The following DOCK9 variants were observed in gnomAD, a reference collection of about 807,000 sequenced individuals.
DOCK9 encodes the protein dedicator of cytokinesis 9, also known as dedicator of cytokinesis protein 9.
DOCK9 carries 89 observed loss-of-function variants against 263.3 expected under a neutral mutation model. That is an observed-to-expected ratio of 0.34 (90% CI 0.28 to 0.40). The LOEUF (loss-of-function observed/expected upper bound fraction) is 0.40, where lower values mean the gene tolerates loss of function less well. DOCK9 is among the 10% of genes least tolerant of loss of function. DOCK9 has a pLI of 1.00. For missense variants in DOCK9, 2,140 were observed against 2,603.4 expected (o/e 0.82, Z 3.87); for synonymous variants, 976 against 973.1 (o/e 1.00, Z -0.06).
At chr13:98,801,899 G>A (rs892402107) in intron 49 of DOCK9, among the ~76,000 whole-genome samples, 1 of 152,216 alleles carries the variant, frequency 6.6e-6, no homozygotes, top group Non-Finnish European at 1.5e-5. Flanking sequence ...CATATGTCAC[G>A]TACTTATAGG....
chr13:98,854,893 G>A (rs1199882523), intron 34 of DOCK9, among the ~76,000 whole-genome samples: 3 of 152,192 alleles, frequency 2.0e-5, no homozygotes, highest in South Asian at 2.1e-4. Context: ...ACCTGATGCT[G>A]AGGAAGGATG....
At chr13:99,002,433 G>A (rs539162225) in intron 1 of DOCK9, among the ~76,000 whole-genome samples, 1 of 152,204 alleles carries the variant, frequency 6.6e-6, no homozygotes, top group Non-Finnish European at 1.5e-5. Context: ...ACTCCCTTCA[G>A]GGGCAACGTC....
intron 1 of DOCK9, among the ~76,000 whole-genome samples, chr13:99,051,855 CAAAAA>C (rs11392986): frequency 2.1e-3 from 227 of 106,058 alleles, no homozygotes; most frequent in African/African-American, 6.9e-3. Context: ...CCACTAGTGG[CAAAAA>C]AAAAAAAAAA....
chr13:99,015,747 T>A, intron 1 of DOCK9: 1 of 1,343,078 alleles, frequency 7.4e-7, no homozygotes, highest in East Asian at 2.7e-5. Context: ...AGGGAAGCTC[T>A]GAGCTGCCGT....
chr13:98,919,558 G>A (rs1339430577), intron 7 of DOCK9, among the ~76,000 whole-genome samples: 1 of 152,252 alleles, frequency 6.6e-6, no homozygotes, highest in African/African-American at 2.4e-5. Context: ...ACAGGCTGAT[G>A]TGATCAGCCA....
chr13:99,023,729 C>T (rs1886394127), intron 1 of DOCK9, among the ~76,000 whole-genome samples: 1 of 152,138 alleles, frequency 6.6e-6, no homozygotes, highest in Non-Finnish European at 1.5e-5. Context: ...AGGTGTAAGA[C>T]CAGAAAAACG....
Position 98,800,201 on chromosome 13 carries a change from G to GT in DOCK9, c.5916+86dup, listed in dbSNP as rs1198955814. On this transcript the variant is annotated intron_variant, in intron 50 of 52. Coordinates refer to ENST00000682017, the MANE Select transcript of DOCK9 (RefSeq NM_001366683.2). ...TCACTTGGTAAACCGAGGCTCTCAAGTAGACCTTGTTAGTGGAAACGACTC... is the reference window on the plus strand; with the variant it reads ...TCACTTGGTAAACCGAGGCTCTCAAGTTAGACCTTGTTAGTGGAAACGACTC... The GT allele has an allele frequency of 2.9e-6, 4 of 1,383,820 alleles. No homozygotes were observed. In the East Asian group the frequency reaches 1.0e-4, roughly 35 times the overall value. The allele number at this position is 1,383,820 out of a possible 1,614,324, so 85.7% of individuals were successfully genotyped here. A position where few individuals can be genotyped will look rare whatever the true frequency, so the allele number is the denominator to read the frequency against.
intron 2 of DOCK9, among the ~76,000 whole-genome samples, chr13:98,936,730 C>T (rs1301113791): frequency 6.6e-6 from 1 of 151,962 alleles, no homozygotes; most frequent in African/African-American, 2.4e-5. Context: ...GTTTTTTCTC[C>T]CTATTATTAC....
chr13:98,977,860 A>AGTTCCTTTTTGACACTTCTCT lies in DOCK9; in HGVS notation c.49_50insAGAGAAGTGTCAAAAAGGAAC (p.Glu16_Leu17insGlnArgSerValLysLysGlu). ...GTATTGCAGGGGGGACTCAATCACC[A>AGTTCCTTTTTGACACTTCTCT]GTTCCTTTTTGACACTTCTACTACT... is the stretch of plus-strand genomic sequence containing the variant. On this transcript the variant is annotated inframe_insertion, in exon 1 of 53. Transcript: ENST00000682017. 6.2e-7 allele frequency: 1 copy of AGTTCCTTTTTGACACTTCTCT among 1,605,432 alleles called. No individual in the cohort carries two copies.
intron 1 of DOCK9, among the ~76,000 whole-genome samples, chr13:99,070,504 C>T (rs112776385): frequency 1.1e-4 from 16 of 152,336 alleles, no homozygotes; most frequent in Non-Finnish European, 1.8e-4. Flanking sequence ...TCTCCGCAAG[C>T]AGCACTTTAA....
At chr13:99,022,457 G>C (rs908614398) in intron 1 of DOCK9, among the ~76,000 whole-genome samples, 2 of 152,220 alleles carry the variant, frequency 1.3e-5, no homozygotes, top group Admixed American at 6.5e-5. Context: ...GTGGCAAACA[G>C]TTCCTGTGGG....
chr13:98,996,602 T>A (rs1881095351), intron 1 of DOCK9, among the ~76,000 whole-genome samples: 1 of 152,236 alleles, frequency 6.6e-6, no homozygotes, highest in Non-Finnish European at 1.5e-5. Flanking sequence ...CCCAGGGCCA[T>A]ATGTGGCCCA....
At chr13:98,850,946 C>A (rs2093552049) in intron 35 of DOCK9, among the ~76,000 whole-genome samples, 1 of 152,140 alleles carries the variant, frequency 6.6e-6, no homozygotes, top group Non-Finnish European at 1.5e-5. Flanking sequence ...AAGCCAGAGT[C>A]TTTGGGGCCT....
At chr13:98,936,607 G>A (rs2054871101) in intron 2 of DOCK9, among the ~76,000 whole-genome samples, 1 of 143,204 alleles carries the variant, frequency 7.0e-6, no homozygotes, top group South Asian at 2.3e-4. Context: ...GTGATGGAGT[G>A]AGACACTGTC....
intron 4 of DOCK9, among the ~76,000 whole-genome samples, chr13:98,925,357 A>G (rs1196425715): frequency 1.4e-5 from 2 of 143,672 alleles, no homozygotes; most frequent in African/African-American, 5.1e-5. Context: ...ATAGTCTAGA[A>G]TAAGTTAATA....
chr13:98,815,751 G>A (rs1040134898), intron 45 of DOCK9, among the ~76,000 whole-genome samples: 1 of 152,110 alleles, frequency 6.6e-6, no homozygotes, highest in Non-Finnish European at 1.5e-5. Context: ...AAAGTGCTGG[G>A]ATTACAGGCG....
At chr13:99,010,733 C>T (rs956778097) in intron 1 of DOCK9, among the ~76,000 whole-genome samples, 3 of 152,172 alleles carry the variant, frequency 2.0e-5, no homozygotes, top group African/African-American at 4.8e-5. Context: ...CCTAATGTAG[C>T]GCCCACCATA....
intron 45 of DOCK9, among the ~76,000 whole-genome samples, chr13:98,823,055 T>G (rs976666525): frequency 1.3e-5 from 2 of 152,042 alleles, no homozygotes; most frequent in Admixed American, 6.5e-5. Context: ...GATTTACTTA[T>G]TAATTTAATG....
chr13:98,859,747 G>GTATATATATA (rs1430331905), intron 33 of DOCK9: 36 of 96,150 alleles, frequency 3.7e-4, no homozygotes, highest in Non-Finnish European at 4.4e-4. Flanking sequence ...GTGTGTGTGT[G>GTATATATATA]TGTGTGTATA....
Sources: gnomAD v4.1 joint callset for allele counts (sites outside exome capture counted in the v4.1 genomes callset) on GRCh38, gnomAD v4.1.1 for gene constraint, MANE v1.5 for transcripts, NCBI Gene and HGNC (gene_info 2026-07-23, HGNC 2026-07-21) for gene names.